Variants in KAT2B observed in about 807,000 individuals in gnomAD.
KAT2B encodes lysine acetyltransferase 2B.
KAT2B carries 36 observed loss-of-function variants against 105.9 expected under a neutral mutation model. The ratio of observed to expected loss-of-function variants is 0.34; its 90% CI spans 0.26 to 0.45. The LOEUF (loss-of-function observed/expected upper bound fraction) is 0.45, where lower values mean the gene tolerates loss of function less well. Among genes scored for constraint, KAT2B ranks in the 20% least tolerant of loss-of-function variants. The pLI is 1.00. For missense variants in KAT2B, 820 were observed against 1,021.6 expected (o/e 0.80, Z 2.69); for synonymous variants, 397 against 377.9 (o/e 1.05, Z -0.59).
chr3:20,045,422 C>T (rs7642097), intron 1 of KAT2B, among the ~76,000 whole-genome samples: 2,155 of 151,872 alleles, frequency 0.014, 50 homozygotes, highest in African/African-American at 0.05. Context: ...ACGATCATAG[C>T]TCACTGCAGC....
chr3:20,047,555 C>T (rs1697835451), intron 1 of KAT2B, among the ~76,000 whole-genome samples: 1 of 151,720 alleles, frequency 6.6e-6, no homozygotes, highest in Non-Finnish European at 1.5e-5. Context: ...TCACCACAAC[C>T]CAGTGTTATG....
At chr3:20,051,775 T>G (rs1697919984) in intron 1 of KAT2B, among the ~76,000 whole-genome samples, 1 of 152,266 alleles carries the variant, frequency 6.6e-6, no homozygotes, top group Admixed American at 6.5e-5. Flanking sequence ...GATGAGCTCG[T>G]TATTTAATGG....
intron 1 of KAT2B, among the ~76,000 whole-genome samples, chr3:20,046,919 T>C (rs1234788057): frequency 6.6e-6 from 1 of 152,166 alleles, no homozygotes; most frequent in East Asian, 1.9e-4. Flanking sequence ...AGGCCAGTAA[T>C]GTTGCTATAC....
chr3:20,067,432 A>G (rs1466389367), intron 1 of KAT2B, among the ~76,000 whole-genome samples: 1 of 152,100 alleles, frequency 6.6e-6, no homozygotes. Context: ...GAACACAGCC[A>G]TTATTCTCTG....
intron 13 of KAT2B, among the ~76,000 whole-genome samples, chr3:20,142,026 A>G (rs961023682): frequency 6.6e-6 from 1 of 152,046 alleles, no homozygotes; most frequent in African/African-American, 2.4e-5. Flanking sequence ...TAAAGCCATC[A>G]CCCCGCTGTC....
At chr3:20,134,831 A>G (rs1300824401) in intron 11 of KAT2B, among the ~76,000 whole-genome samples, 1 of 152,258 alleles carries the variant, frequency 6.6e-6, no homozygotes, top group Non-Finnish European at 1.5e-5. Context: ...TTGAGTAGCC[A>G]TATTTAAAAA....
chr3:20,119,332 G>T (rs1400516540), intron 7 of KAT2B, among the ~76,000 whole-genome samples: 1 of 142,970 alleles, frequency 7.0e-6, no homozygotes. Context: ...TTTCTTTGTT[G>T]GTGTTCTTGA....
chr3:20,111,399 A>G (rs1015708063), intron 5 of KAT2B, among the ~76,000 whole-genome samples, 197 bp from the exon 6 acceptor site: 4 of 152,240 alleles, frequency 2.6e-5, no homozygotes, highest in African/African-American at 7.2e-5. Context: ...TTTTAACAGA[A>G]TTAGACACAA....
At chr3:20,128,093 G>T (rs1249074557) in intron 11 of KAT2B, among the ~76,000 whole-genome samples, 1 of 152,208 alleles carries the variant, frequency 6.6e-6, no homozygotes, top group Non-Finnish European at 1.5e-5. Flanking sequence ...CCAACAAGTA[G>T]GGTTGTACCA....
At chr3:20,119,548 T>TA in intron 7 of KAT2B, 50 bp from the exon 8 acceptor site, 1 of 1,608,026 alleles carries the variant, frequency 6.2e-7, no homozygotes, top group South Asian at 1.1e-5. Context: ...TCTTGTTACC[T>TA]AAGAAAGGAG....
chr3:20,051,715 C>T (rs1333628642), intron 1 of KAT2B, among the ~76,000 whole-genome samples: 2 of 152,178 alleles, frequency 1.3e-5, no homozygotes, highest in African/African-American at 2.4e-5. Context: ...TCTACAGCTC[C>T]ACAAAGATTT....
intron 1 of KAT2B, among the ~76,000 whole-genome samples, chr3:20,063,993 G>T (rs1398380220): frequency 6.6e-6 from 1 of 152,106 alleles, no homozygotes; most frequent in African/African-American, 2.4e-5. Context: ...TCTATTGAAT[G>T]GTCTTGGCAC....
At chr3:20,087,107 T>A (rs6784711) in intron 2 of KAT2B, among the ~76,000 whole-genome samples, 70,753 of 152,064 alleles carry the variant, frequency 0.47, 18,445 homozygotes, top group African/African-American at 0.7. Context: ...ACAAAATTAC[T>A]GCTGGATAGG....
In KAT2B at chr3:20,148,000, G is replaced by A. The variant is rs1699806983; in HGVS notation, c.2156+1G>A. ...GGAAACCGAGTGGAAAAGAGAAAAGGTAAGTATGACGGGCAAGAGGATGTT... is the reference window on the plus strand; with the variant it reads ...GGAAACCGAGTGGAAAAGAGAAAAGATAAGTATGACGGGCAAGAGGATGTT... On this transcript the variant is annotated splice_donor_variant, in intron 15 of 17. Transcript: ENST00000263754. LOFTEE classifies it high-confidence loss of function. 1 of 1,613,330 alleles carries A rather than the reference G, an allele frequency of 6.2e-7. No homozygotes were observed. The highest frequency in any genetic ancestry group is 8.5e-7 in the Non-Finnish European group (1 of 1,179,604).
intron 1 of KAT2B, among the ~76,000 whole-genome samples, chr3:20,063,269 G>A (rs1448631247): frequency 6.6e-6 from 1 of 151,606 alleles, no homozygotes; most frequent in Non-Finnish European, 1.5e-5. Flanking sequence ...AGTCTTGTTT[G>A]TTGCTCAGGC....
chr3:20,048,025 C>T (rs1697846179), intron 1 of KAT2B, among the ~76,000 whole-genome samples: 4 of 152,150 alleles, frequency 2.6e-5, no homozygotes, highest in Admixed American at 2.6e-4. Context: ...GCAATATTGT[C>T]ACAGCAAAGT....
chr3:20,125,894 T>C lies in KAT2B; in HGVS notation c.1414-11T>C, dbSNP rs774691663. ...GCTCTGTGTAATTTTTTCCTGTCTCTTGCATCTCAGACCAATTTTCTGTCA... is the reference window on the plus strand; with the variant it reads ...GCTCTGTGTAATTTTTTCCTGTCTCCTGCATCTCAGACCAATTTTCTGTCA... On this transcript the variant is annotated splice_polypyrimidine_tract_variant and intron_variant, in intron 9 of 17. Transcript: ENST00000263754. 1.9e-6 allele frequency: 3 copies of C among 1,612,330 alleles called. No homozygotes were observed. Among genetic ancestry groups the C allele is most frequent in the African/African-American group, 1.3e-5 (1 of 74,970 alleles).
At chr3:20,058,302 A>G (rs1698035409) in intron 1 of KAT2B, among the ~76,000 whole-genome samples, 1 of 152,010 alleles carries the variant, frequency 6.6e-6, no homozygotes, top group Admixed American at 6.6e-5. Context: ...TATTAAAAAT[A>G]CAAAAATTAG....
intron 1 of KAT2B, among the ~76,000 whole-genome samples, chr3:20,053,637 G>A (rs1469903045): frequency 6.6e-6 from 1 of 152,124 alleles, no homozygotes; most frequent in African/African-American, 2.4e-5. Context: ...ATATATTCTA[G>A]AAGTCTGTAT....
Sources: allele counts gnomAD v4.1 joint callset (sites outside exome capture counted in the v4.1 genomes callset), GRCh38; gene constraint gnomAD v4.1.1; transcripts MANE v1.5; gene names NCBI Gene and HGNC (gene_info 2026-07-23, HGNC 2026-07-21).